Variants in SH3RF1 observed in about 807,000 individuals in gnomAD.
SH3RF1 encodes SH3 domain containing ring finger 1.
Under a neutral mutation model 74.0 loss-of-function variants are expected in SH3RF1, and 32 were observed. The ratio of observed to expected loss-of-function variants is 0.43; its 90% CI spans 0.33 to 0.58. SH3RF1 has a LOEUF of 0.58. Ranked by LOEUF, SH3RF1 falls within the 20% of genes least tolerant of loss-of-function variation. SH3RF1 has a pLI of 0.05. For synonymous variants in SH3RF1, 396 were observed against 439.6 expected (o/e 0.90, Z 1.24); for missense variants, 954 against 1,130.9 (o/e 0.84, Z 2.24).
chr4:169,240,912 T>G (rs1417906657), intron 2 of SH3RF1, among the ~76,000 whole-genome samples: 1 of 152,176 alleles, frequency 6.6e-6, no homozygotes, highest in Non-Finnish European at 1.5e-5. Flanking sequence ...AGGAAGCCTT[T>G]TAAGTGAAGT....
chr4:169,177,122 T>C (rs925852997), intron 2 of SH3RF1, among the ~76,000 whole-genome samples: 9 of 152,194 alleles, frequency 5.9e-5, no homozygotes, highest in Non-Finnish European at 1.5e-5. Context: ...TTATATTTGA[T>C]GGATAATAAG....
chr4:169,246,312 G>A (rs1466952769), intron 2 of SH3RF1, among the ~76,000 whole-genome samples: 1 of 152,168 alleles, frequency 6.6e-6, no homozygotes, highest in African/African-American at 2.4e-5. Flanking sequence ...AAAAAAGGGG[G>A]AGTTAACTAG....
chr4:169,165,598 T>G (rs1734223355), intron 2 of SH3RF1, among the ~76,000 whole-genome samples: 1 of 149,696 alleles, frequency 6.7e-6, no homozygotes, highest in African/African-American at 2.5e-5. Context: ...CACTCCAGCC[T>G]AGGTGACAGA....
chr4:169,232,951 T>A (rs1415797916), intron 2 of SH3RF1, among the ~76,000 whole-genome samples: 2 of 152,102 alleles, frequency 1.3e-5, no homozygotes, highest in Non-Finnish European at 2.9e-5. Context: ...CAGCAGATTA[T>A]ATTAATGGTA....
intron 2 of SH3RF1, among the ~76,000 whole-genome samples, chr4:169,238,786 A>T (rs1216597116): frequency 6.6e-6 from 1 of 152,206 alleles, no homozygotes; most frequent in Non-Finnish European, 1.5e-5. Flanking sequence ...ATATATTGCT[A>T]TAAAGAATTC....
At chr4:169,234,526 A>G (rs1286069090) in intron 2 of SH3RF1, among the ~76,000 whole-genome samples, 1 of 152,194 alleles carries the variant, frequency 6.6e-6, no homozygotes, top group Non-Finnish European at 1.5e-5. Flanking sequence ...CATCTAAACA[A>G]TGATATCCTA....
At chr4:169,267,679 C>A (rs1331425414) in intron 2 of SH3RF1, among the ~76,000 whole-genome samples, 1 of 152,178 alleles carries the variant, frequency 6.6e-6, no homozygotes, top group East Asian at 1.9e-4. Flanking sequence ...TACTTCCTAT[C>A]ATTTACAAAA....
intron 2 of SH3RF1, among the ~76,000 whole-genome samples, chr4:169,231,483 T>G (rs780104190): frequency 6.6e-6 from 1 of 152,112 alleles, no homozygotes; most frequent in Non-Finnish European, 1.5e-5. Flanking sequence ...GGAGAATCGC[T>G]TGAATCCAGG....
intron 2 of SH3RF1, among the ~76,000 whole-genome samples, chr4:169,179,309 C>A (rs1187327732): frequency 6.6e-5 from 10 of 152,132 alleles, no homozygotes; most frequent in Non-Finnish European, 1.0e-4. Context: ...ACATTTTGTC[C>A]TTAGAGCCAC....
intron 2 of SH3RF1, among the ~76,000 whole-genome samples, chr4:169,177,640 AC>A (rs1397633622): frequency 1.3e-5 from 2 of 152,212 alleles, no homozygotes; most frequent in Admixed American, 1.3e-4. Flanking sequence ...ATAATTAGGC[AC>A]ATTTCAACTA....
chr4:169,171,139 G>A (rs897695491), intron 2 of SH3RF1, among the ~76,000 whole-genome samples: 3 of 152,162 alleles, frequency 2.0e-5, no homozygotes, highest in East Asian at 1.9e-4. Context: ...CTGGCCAATC[G>A]CAGGCAGCCA....
At chr4:169,114,211 T>C (rs2126941808) in intron 10 of SH3RF1, among the ~76,000 whole-genome samples, 1 of 152,312 alleles carries the variant, frequency 6.6e-6, no homozygotes, top group East Asian at 1.9e-4. Context: ...TGGAGGCCAC[T>C]GGGGAAGAAT....
At position 169,095,689 on chromosome 4, in the gene SH3RF1, C is replaced by G. The variant is rs1397767657; in HGVS notation, c.*830G>C. ...AACTTCAATTTCCCCTACTTTCCAA[C>G]CAAACAATTGAGCTGCTTCTGCTAT... On this transcript the variant is annotated 3_prime_UTR_variant, in exon 12 of 12. Coordinates refer to ENST00000284637, the MANE Select transcript of SH3RF1 (RefSeq NM_020870.4). 1.3e-5 allele frequency: 2 copies of G among 152,636 alleles called. No individual in the cohort carries two copies. The highest frequency in any genetic ancestry group is 2.9e-5 in the Non-Finnish European group (2 of 68,044). The allele number at this position is 152,636 out of a possible 1,614,324, so 9.5% of individuals were successfully genotyped here. A position where few individuals can be genotyped will look rare whatever the true frequency, so the allele number is the denominator to read the frequency against.
At chr4:169,251,616 C>A (rs1731106719) in intron 2 of SH3RF1, among the ~76,000 whole-genome samples, 1 of 152,126 alleles carries the variant, frequency 6.6e-6, no homozygotes, top group Non-Finnish European at 1.5e-5. Flanking sequence ...TACATTTAAG[C>A]CTTATTTTAA....
chr4:169,237,392 A>C (rs1057451329), intron 2 of SH3RF1, among the ~76,000 whole-genome samples: 4 of 152,196 alleles, frequency 2.6e-5, no homozygotes, highest in Non-Finnish European at 5.9e-5. Flanking sequence ...TGTAATCACA[A>C]CACTTCGGGA....
chr4:169,096,701 A>C lies in SH3RF1; in HGVS notation c.2499-14T>G, dbSNP rs201445783. On this transcript the variant is annotated splice_polypyrimidine_tract_variant and intron_variant, in intron 11 of 11. Transcript: ENST00000284637. ...ACCACCCTGTGCCTAGAAAAGAAAGAGATTTTGGTTAAGGCGATTCAAAGC... is the reference window on the plus strand; with the variant it reads ...ACCACCCTGTGCCTAGAAAAGAAAGCGATTTTGGTTAAGGCGATTCAAAGC... 47 of 1,602,260 alleles carry C rather than the reference A, an allele frequency of 2.9e-5. No homozygotes were observed. Among genetic ancestry groups the C allele is most frequent in the Non-Finnish European group, 3.7e-5 (44 of 1,176,124 alleles).
chr4:169,253,701 A>C (rs78013539), intron 2 of SH3RF1, among the ~76,000 whole-genome samples: 3,920 of 152,284 alleles, frequency 0.026, 174 homozygotes, highest in African/African-American at 0.09. Flanking sequence ...GATGATCTGC[A>C]TCAAAAGAAG....
intron 2 of SH3RF1, among the ~76,000 whole-genome samples, chr4:169,228,947 C>T (rs975429396): frequency 2.6e-5 from 4 of 151,856 alleles, no homozygotes; most frequent in Non-Finnish European, 4.4e-5. Context: ...TTCTGTTCTT[C>T]GAAAAACAAA....
At chr4:169,137,594 T>C (rs1733719507) in intron 4 of SH3RF1, among the ~76,000 whole-genome samples, 1 of 152,192 alleles carries the variant, frequency 6.6e-6, no homozygotes. Context: ...TTTTTCCATC[T>C]CGGCATTACA....
Sources: gnomAD v4.1 joint callset for allele counts (sites outside exome capture counted in the v4.1 genomes callset) on GRCh38, gnomAD v4.1.1 for gene constraint, MANE v1.5 for transcripts, NCBI Gene and HGNC (gene_info 2026-07-23, HGNC 2026-07-21) for gene names.